The following LCORL variants were observed in gnomAD, a reference collection of about 807,000 sequenced individuals.
LCORL encodes the protein ligand dependent nuclear receptor corepressor like, also known as ligand-dependent nuclear receptor corepressor-like protein.
Under a neutral mutation model 141.8 loss-of-function variants are expected in LCORL, and 41 were observed. That is an observed-to-expected ratio of 0.29 (90% CI 0.23 to 0.38). The LOEUF (loss-of-function observed/expected upper bound fraction) is 0.38, where lower values mean the gene tolerates loss of function less well. Among genes scored for constraint, LCORL ranks in the 10% least tolerant of loss-of-function variants. LCORL has a pLI of 1.00. For missense variants in LCORL, 1,759 were observed against 2,035.0 expected (o/e 0.86, Z 2.61); for synonymous variants, 618 against 694.1 (o/e 0.89, Z 1.72).
At chr4:17,866,942 CCTT>C (rs1725745097) in intron 7 of LCORL, 7 of 977,532 alleles carry the variant, frequency 7.2e-6, no homozygotes, top group Non-Finnish European at 8.5e-6. Flanking sequence ...AAACCAATCT[CCTT>C]CTAGCAGGTG....
intron 4 of LCORL, among the ~76,000 whole-genome samples, chr4:17,941,700 G>T (rs1055841772): frequency 1.4e-4 from 22 of 152,132 alleles, no homozygotes; most frequent in Non-Finnish European, 1.0e-4. Context: ...TGAAAAGGAA[G>T]GGTAAACCAT....
chr4:17,987,144 A>G (rs1719117772), intron 1 of LCORL, among the ~76,000 whole-genome samples: 1 of 152,210 alleles, frequency 6.6e-6, no homozygotes, highest in African/African-American at 2.4e-5. Context: ...CTGAAGCACC[A>G]TTCATTTTCA....
At chr4:17,969,082 C>T (rs1313650416) in intron 2 of LCORL, among the ~76,000 whole-genome samples, 2 of 152,136 alleles carry the variant, frequency 1.3e-5, no homozygotes, top group East Asian at 3.8e-4. Context: ...AGAAACTGGC[C>T]TACCAATAAG....
intron 4 of LCORL, among the ~76,000 whole-genome samples, chr4:17,932,823 G>A (rs1736266266): frequency 6.6e-6 from 1 of 152,092 alleles, no homozygotes; most frequent in African/African-American, 2.4e-5. Context: ...TATTCTCTGG[G>A]TCCTTCACAG....
intron 4 of LCORL, among the ~76,000 whole-genome samples, chr4:17,950,210 C>T (rs146272563): frequency 4.8e-4 from 73 of 152,194 alleles, no homozygotes; most frequent in African/African-American, 1.7e-3. Flanking sequence ...AATCATAAAA[C>T]TTGCATATGA....
chr4:17,971,949 C>A (rs186271108), intron 2 of LCORL, among the ~76,000 whole-genome samples: 5 of 151,436 alleles, frequency 3.3e-5, no homozygotes, highest in Non-Finnish European at 7.4e-5. Context: ...AAGCAGGTCA[C>A]GCCTAATAAG....
rs139172130 is a variant in LCORL, at chr4:17,920,936, G to C, written c.431-11591C>G. 1.7e-3 allele frequency among the ~76,000 whole-genome samples: 261 copies of C among 152,190 alleles called. 1 individual carries two copies. The highest frequency in any genetic ancestry group is 6.1e-3 in the African/African-American group (252 of 41,526). Reference sequence around the variant, plus strand: ...TTGAAGTCCTCAATGTTATCTATGAGGGTTGGAATCAACTTTTTCCAAATC... The same window carrying C: ...TTGAAGTCCTCAATGTTATCTATGACGGTTGGAATCAACTTTTTCCAAATC... On this transcript the variant is annotated intron_variant, in intron 4 of 7. Transcript: ENST00000635767.
At chr4:17,946,795 G>A (rs1208894557) in intron 4 of LCORL, among the ~76,000 whole-genome samples, 1 of 151,870 alleles carries the variant, frequency 6.6e-6, no homozygotes, top group Non-Finnish European at 1.5e-5. Flanking sequence ...TTTTAAGCAT[G>A]GGAATTACAC....
intron 4 of LCORL, among the ~76,000 whole-genome samples, chr4:17,926,298 C>T (rs61619825): frequency 0.023 from 3,494 of 149,658 alleles, 143 homozygotes; most frequent in African/African-American, 0.084. Flanking sequence ...AGAGGTAGAT[C>T]CACCCTCAAT....
intron 1 of LCORL, among the ~76,000 whole-genome samples, chr4:17,998,807 C>T (rs1721322468): frequency 6.7e-6 from 1 of 149,878 alleles, no homozygotes; most frequent in African/African-American, 2.5e-5. Flanking sequence ...TCTGCAAAAA[C>T]CACAAAAATT....
intron 7 of LCORL, among the ~76,000 whole-genome samples, chr4:17,868,299 A>G (rs1725924026): frequency 6.6e-6 from 1 of 152,174 alleles, no homozygotes; most frequent in Non-Finnish European, 1.5e-5. Flanking sequence ...GGCAAAATAG[A>G]AGAAGCTGAC....
intron 4 of LCORL, among the ~76,000 whole-genome samples, chr4:17,938,761 TA>T (rs1476339129): frequency 6.6e-6 from 1 of 152,154 alleles, no homozygotes; most frequent in Non-Finnish European, 1.5e-5. Context: ...ACTTAGAAGA[TA>T]AAACAATTTT....
At chr4:17,966,734 T>C (rs1414556567) in intron 2 of LCORL, among the ~76,000 whole-genome samples, 2 of 152,128 alleles carry the variant, frequency 1.3e-5, no homozygotes, top group Admixed American at 6.6e-5. Flanking sequence ...ATTAAGGCAA[T>C]GAAATACCAC....
chr4:17,884,307 G>C lies in LCORL; in HGVS notation c.776+1761C>G, dbSNP rs1030162874. The C allele has an allele frequency of 3.9e-6, 6 of 1,548,960 alleles. No homozygotes were observed. Among genetic ancestry groups the C allele is most frequent in the Non-Finnish European group, 1.7e-6 (2 of 1,145,964 alleles). On this transcript the variant is annotated intron_variant, in intron 6 of 7. Coordinates refer to ENST00000635767, the Ensembl canonical transcript of LCORL. The surrounding 1 kb of genome is among the most constrained non-coding windows in gnomAD (Gnocchi z 4.4). ...TGAGGAATTTTTAACTGTACAGTAG[G>C]ATTTGAAGTTTCATATTGGAGGCTT...
chr4:17,969,777 T>C (rs1230333398), intron 2 of LCORL, among the ~76,000 whole-genome samples: 2 of 152,080 alleles, frequency 1.3e-5, no homozygotes, highest in Non-Finnish European at 2.9e-5. Flanking sequence ...CTTAAATATT[T>C]CAGATAAAAA....
chr4:17,945,940 C>T (rs1418311610), intron 4 of LCORL, among the ~76,000 whole-genome samples: 1 of 151,618 alleles, frequency 6.6e-6, no homozygotes, highest in East Asian at 1.9e-4. Context: ...AACTTAGAAA[C>T]TTAATGAGAC....
intron 7 of LCORL, among the ~76,000 whole-genome samples, chr4:17,864,576 C>T (rs1485473052): frequency 1.3e-5 from 2 of 151,936 alleles, no homozygotes; most frequent in Non-Finnish European, 2.9e-5. Flanking sequence ...CAAAAGAAGG[C>T]TGGAAAAGAG....
chr4:17,913,959 C>T (rs79837949), intron 4 of LCORL, among the ~76,000 whole-genome samples: 11,319 of 152,178 alleles, frequency 0.074, 960 homozygotes, highest in African/African-American at 0.21. Flanking sequence ...TTTATTTCTA[C>T]CTTTGAATTC....
intron 4 of LCORL, among the ~76,000 whole-genome samples, chr4:17,918,339 A>G (rs779263732): frequency 1.6e-4 from 24 of 152,218 alleles, no homozygotes; most frequent in South Asian, 2.1e-4. Context: ...CGTACCACAC[A>G]TGGGGGAAAA....
Sources: allele counts gnomAD v4.1 joint callset (sites outside exome capture counted in the v4.1 genomes callset), GRCh38; gene constraint gnomAD v4.1.1; non-coding constraint Gnocchi (gnomAD v3.1); transcripts MANE v1.5; gene names NCBI Gene and HGNC (gene_info 2026-07-23, HGNC 2026-07-21).